The following AP3B1 variants were observed in gnomAD, a reference collection of about 807,000 sequenced individuals.
The protein encoded by AP3B1 is AP-3 complex subunit beta-1.
Under a neutral mutation model 132.5 loss-of-function variants are expected in AP3B1, and 61 were observed. The observed-to-expected ratio is 0.46, with a 90% CI of 0.37 to 0.57. The LOEUF is 0.57. Among genes scored for constraint, AP3B1 ranks in the 20% least tolerant of loss-of-function variants. AP3B1 has a pLI of 0.00. For missense variants in AP3B1, 1,120 were observed against 1,289.4 expected, an observed-to-expected ratio of 0.87 and a Z score of 2.01; for synonymous variants, 388 against 438.3, an observed-to-expected ratio of 0.89 and a Z score of 1.43.
At chr5:78,279,572 T>C (rs1240191260) in intron 1 of AP3B1, among the ~76,000 whole-genome samples, 1 of 151,890 alleles carries the variant, frequency 6.6e-6, no homozygotes, top group African/African-American at 2.4e-5. Context: ...CTATTCACCA[T>C]ACTACGCTGT....
At chr5:78,172,243 T>C (rs1344335792) in intron 11 of AP3B1, among the ~76,000 whole-genome samples, 1 of 152,256 alleles carries the variant, frequency 6.6e-6, no homozygotes, top group Non-Finnish European at 1.5e-5. Flanking sequence ...ATCAGGATGA[T>C]GCTGGCCTCA....
intron 17 of AP3B1, among the ~76,000 whole-genome samples, chr5:78,126,746 T>C (rs1393179526): frequency 6.6e-6 from 1 of 152,138 alleles, no homozygotes; most frequent in Non-Finnish European, 1.5e-5. Context: ...TAATACAGAT[T>C]TGTGAACAAG....
intron 17 of AP3B1, among the ~76,000 whole-genome samples, chr5:78,119,505 G>A (rs966372554): frequency 5.3e-5 from 8 of 152,186 alleles, no homozygotes; most frequent in Non-Finnish European, 1.2e-4. Context: ...AGGAGCTGAT[G>A]GAGCTGAAAG....
intron 26 of AP3B1, among the ~76,000 whole-genome samples, chr5:78,003,856 T>A (rs568744090): frequency 2.0e-5 from 3 of 152,302 alleles, no homozygotes; most frequent in East Asian, 3.9e-4. Flanking sequence ...GTTGCAGGCA[T>A]AACGAACTTC....
chr5:78,134,788 C>T (rs1247598518), intron 15 of AP3B1, among the ~76,000 whole-genome samples: 1 of 152,158 alleles, frequency 6.6e-6, no homozygotes, highest in Non-Finnish European at 1.5e-5. Context: ...GGTGATCTGC[C>T]CGTCTCGGCC....
intron 2 of AP3B1, among the ~76,000 whole-genome samples, chr5:78,254,779 G>A (rs1747786461): frequency 6.6e-6 from 1 of 152,088 alleles, no homozygotes; most frequent in African/African-American, 2.4e-5. Context: ...GTAATAGTAA[G>A]TACACAGAAA....
chr5:78,094,494 T>C (rs894365281), intron 21 of AP3B1, among the ~76,000 whole-genome samples: 1 of 152,118 alleles, frequency 6.6e-6, no homozygotes, highest in African/African-American at 2.4e-5. Flanking sequence ...ACAGATATAA[T>C]AGAGAAATAG....
At chr5:78,270,967 C>T (rs539599573) in intron 1 of AP3B1, among the ~76,000 whole-genome samples, 61 of 152,238 alleles carry the variant, frequency 4.0e-4, no homozygotes, top group Non-Finnish European at 4.9e-4. Context: ...GGATTTCATT[C>T]TATTAAGTAA....
At chr5:78,003,363 C>T (rs187401058) in intron 26 of AP3B1, 1 of 234,982 alleles carries the variant, frequency 4.3e-6, no homozygotes, top group East Asian at 1.8e-4. Flanking sequence ...ATTTGAGAAC[C>T]ATTCATCCAC....
intron 2 of AP3B1, among the ~76,000 whole-genome samples, chr5:78,241,731 A>T (rs531024969): frequency 8.5e-5 from 13 of 152,304 alleles, no homozygotes; most frequent in Middle Eastern, 3.4e-3. Context: ...TGTAGCCCAA[A>T]TCCAGCCTGA....
At chr5:78,268,699 C>T (rs190081156) in intron 1 of AP3B1, among the ~76,000 whole-genome samples, 9 of 152,260 alleles carry the variant, frequency 5.9e-5, no homozygotes, top group Admixed American at 2.6e-4. Context: ...AGAACAAGCA[C>T]CTGCTCTCTG....
chr5:78,089,170 C>T (rs1011547240), intron 22 of AP3B1: 7 of 471,380 alleles, frequency 1.5e-5, no homozygotes, highest in African/African-American at 1.2e-4. Context: ...CAGAGAAAAA[C>T]ATACAGATGA....
chr5:78,127,358 A>G (rs1290899935), intron 17 of AP3B1, among the ~76,000 whole-genome samples: 4 of 152,192 alleles, frequency 2.6e-5, no homozygotes, highest in African/African-American at 9.6e-5. Context: ...TGCTAAATAC[A>G]ATTAGAAGGC....
chr5:78,229,091 C>A (rs968767560), intron 3 of AP3B1, among the ~76,000 whole-genome samples: 16 of 152,048 alleles, frequency 1.1e-4, no homozygotes, highest in Non-Finnish European at 2.2e-4. Context: ...CACCACCACA[C>A]CCGGCTTTTT....
chr5:78,263,220 T>C (rs754292488), intron 2 of AP3B1, among the ~76,000 whole-genome samples: 7 of 152,168 alleles, frequency 4.6e-5, no homozygotes, highest in Admixed American at 6.5e-5. Context: ...AAGTCTTTCA[T>C]CTCCTTGGTT....
intron 1 of AP3B1, among the ~76,000 whole-genome samples, chr5:78,275,568 CG>C (rs1561215265): frequency 6.6e-6 from 1 of 152,016 alleles, no homozygotes; most frequent in East Asian, 1.9e-4. Context: ...CTCCGCCTCC[CG>C]GGTTCAAGCA....
At chr5:78,178,869 C>T (rs1008684661) in intron 8 of AP3B1, among the ~76,000 whole-genome samples, 4 of 151,812 alleles carry the variant, frequency 2.6e-5, no homozygotes, top group African/African-American at 9.7e-5. Context: ...GTATACAGCA[C>T]AGAAGAATGT....
At chr5:78,265,529 G>A (rs1424078898) in intron 2 of AP3B1, among the ~76,000 whole-genome samples, 1 of 152,192 alleles carries the variant, frequency 6.6e-6, no homozygotes, top group African/African-American at 2.4e-5. Flanking sequence ...TTTAACTCAT[G>A]ATACTGAGGA....
intron 1 of AP3B1, among the ~76,000 whole-genome samples, chr5:78,287,968 A>T (rs13188233): frequency 0.23 from 35,111 of 152,080 alleles, 4,632 homozygotes; most frequent in Middle Eastern, 0.3. Flanking sequence ...CAAAATCATG[A>T]CTGAAGCATA....
Sources: allele counts gnomAD v4.1 joint callset (sites outside exome capture counted in the v4.1 genomes callset), GRCh38; gene constraint gnomAD v4.1.1; transcripts MANE v1.5; gene names NCBI Gene and HGNC (gene_info 2026-07-23, HGNC 2026-07-21).